SERPINB7: variants seen among roughly 807,000 people sequenced by gnomAD.
SERPINB7 encodes serpin B7.
A neutral mutation model predicts 37.4 loss-of-function variants in SERPINB7; 31 were observed. That is an observed-to-expected ratio of 0.83 (90% CI 0.62 to 1.12). SERPINB7 has a LOEUF of 1.12. SERPINB7 is among the 50% of genes most tolerant of loss of function. The pLI is 0.00. For synonymous variants in SERPINB7, 163 were observed against 166.1 expected, an observed-to-expected ratio of 0.98 and a Z score of 0.14; for missense variants, 521 against 455.3, an observed-to-expected ratio of 1.14 and a Z score of -1.31.
chr18:63,757,981 AT>A, intron 1 of SERPINB7, among the ~76,000 whole-genome samples: 1 of 152,244 alleles, frequency 6.6e-6, no homozygotes, highest in Non-Finnish European at 1.5e-5. Context: ...TTGTCCTTCC[AT>A]TTTAATAAGC....
chr18:63,791,469 G>T (rs1233506550), intron 2 of SERPINB7, among the ~76,000 whole-genome samples: 1 of 151,946 alleles, frequency 6.6e-6, no homozygotes, highest in African/African-American at 2.4e-5. Flanking sequence ...AAATCTGGTA[G>T]GTAAAACTTA....
intron 1 of SERPINB7, among the ~76,000 whole-genome samples, chr18:63,770,216 G>T (rs999171817): frequency 1.3e-5 from 2 of 150,872 alleles, no homozygotes; most frequent in African/African-American, 4.9e-5. Context: ...CCGGACCTCT[G>T]GTTAGAGAGA....
At position 63,783,283 on chromosome 18, in the gene SERPINB7, A is replaced by AAAGAAAGAAAGAAAGAAAGAAAGG. The variant is rs1555694241; in HGVS notation, c.168+757_168+758insGAAAGAAAGGAAGAAAGAAAGAAA. Among the ~76,000 whole-genome samples, 44 of 122,498 alleles carry AAAGAAAGAAAGAAAGAAAGAAAGG rather than the reference A, an allele frequency of 3.6e-4. 1 individual carries two copies. The highest frequency in any genetic ancestry group is 4.8e-3 in the Middle Eastern group (1 of 210). 80.4% of individuals were successfully genotyped at this position (122,498 alleles called of 152,430 possible). On this transcript the variant is annotated intron_variant, in intron 2 of 7. Coordinates refer to ENST00000398019, the MANE Select transcript of SERPINB7 (RefSeq NM_003784.4). ...GAAAGAAAGAAAGAAAGAAAGAAAG[A>AAAGAAAGAAAGAAAGAAAGAAAGG]AAGAAAGAAAGAAATGCAAATGCTT...
At chr18:63,782,154 C>T (rs568542547) in intron 1 of SERPINB7, among the ~76,000 whole-genome samples, 3 of 151,890 alleles carry the variant, frequency 2.0e-5, no homozygotes, top group East Asian at 1.9e-4. Context: ...TGTCCACCAA[C>T]GAGAAGAGAT....
At chr18:63,786,002 C>T (rs1173683494) in intron 2 of SERPINB7, among the ~76,000 whole-genome samples, 2 of 130,352 alleles carry the variant, frequency 1.5e-5, no homozygotes, top group Admixed American at 7.9e-5. Flanking sequence ...ATATAATATA[C>T]GTATATATAC....
At chr18:63,783,521 TAGC>T (rs1377132844) in intron 2 of SERPINB7, among the ~76,000 whole-genome samples, 2 of 152,282 alleles carry the variant, frequency 1.3e-5, no homozygotes, top group East Asian at 3.9e-4. Flanking sequence ...TTCCAGATAA[TAGC>T]AGCCTACCTG....
intron 2 of SERPINB7, among the ~76,000 whole-genome samples, chr18:63,788,373 A>G (rs1025103135): frequency 6.6e-6 from 1 of 152,248 alleles, no homozygotes; most frequent in Non-Finnish European, 1.5e-5. Flanking sequence ...AAAAAATTAA[A>G]TAAATACAGC....
intron 2 of SERPINB7, among the ~76,000 whole-genome samples, chr18:63,787,908 C>T (rs1425639079): frequency 6.6e-6 from 1 of 152,150 alleles, no homozygotes; most frequent in Admixed American, 6.5e-5. Context: ...TTACTATTGT[C>T]TAGTGATGTT....
At chr18:63,783,646 C>A (rs1007052455) in intron 2 of SERPINB7, among the ~76,000 whole-genome samples, 5 of 152,174 alleles carry the variant, frequency 3.3e-5, no homozygotes, top group Non-Finnish European at 1.5e-5. Context: ...GTGGAATGGT[C>A]GTTTCCCTCC....
chr18:63,779,080 C>T (rs1047361683), intron 1 of SERPINB7, among the ~76,000 whole-genome samples: 1 of 152,160 alleles, frequency 6.6e-6, no homozygotes, highest in Non-Finnish European at 1.5e-5. Context: ...GTCACACTGA[C>T]ATCTTCTTTA....
chr18:63,803,524 G>A (rs1193100422), intron 7 of SERPINB7, among the ~76,000 whole-genome samples: 2 of 152,170 alleles, frequency 1.3e-5, no homozygotes, highest in African/African-American at 4.8e-5. Flanking sequence ...TTCAAGAGCT[G>A]GTGAATTGGC....
chr18:63,756,129 A>G (rs567864655), intron 1 of SERPINB7, among the ~76,000 whole-genome samples: 2 of 151,854 alleles, frequency 1.3e-5, no homozygotes, highest in South Asian at 4.2e-4. Flanking sequence ...TCATATATGT[A>G]ATATATTTAG....
chr18:63,798,588 A>ATT lies in SERPINB7; in HGVS notation c.455-8_455-7dup, dbSNP rs113041735. ...TATTAAAATAAACATTTTTCCCTCA[A>ATT]TTTTTTTTTCAAAAGGCAAAATCAA... On this transcript the variant is annotated splice_polypyrimidine_tract_variant and intron_variant, in intron 5 of 7. Coordinates refer to ENST00000398019, the MANE Select transcript of SERPINB7 (RefSeq NM_003784.4). 1,077 of 1,479,040 alleles carry ATT rather than the reference A, an allele frequency of 7.3e-4. No homozygotes were observed. The highest frequency in any genetic ancestry group is 1.8e-3 in the South Asian group (129 of 72,876). 91.6% of individuals were successfully genotyped at this position (1,479,040 alleles called of 1,614,324 possible).
intron 6 of SERPINB7, among the ~76,000 whole-genome samples, chr18:63,800,059 A>AT (rs11347836): frequency 0.074 from 10,586 of 143,698 alleles, 732 homozygotes; most frequent in African/African-American, 0.18. Context: ...TAAATAGCGT[A>AT]TTTTTTTTTT....
chr18:63,772,034 G>A (rs965450936), upstream of SERPINB7, among the ~76,000 whole-genome samples: 6 of 151,970 alleles, frequency 3.9e-5, no homozygotes, highest in Middle Eastern at 6.8e-3. Flanking sequence ...CTGCATGTCG[G>A]CAGGGACGTT....
chr18:63,802,557 T>C (rs1264937679), intron 7 of SERPINB7, among the ~76,000 whole-genome samples: 2 of 152,218 alleles, frequency 1.3e-5, no homozygotes, highest in African/African-American at 4.8e-5. Flanking sequence ...GGTCAATTTT[T>C]CTGATAGATA....
chr18:63,804,495 G>A lies in SERPINB7; in HGVS notation c.1003G>A (p.Glu335Lys), dbSNP rs142198986. ...SYIEVTEEGT[E>K]ATAATGSNIV... ...CATAGAGGTCACTGAGGAGGGCACC[G>A]AGGCTACTGCTGCCACAGGAAGTAA... Residue 335 changes from glutamate (E) to lysine (K), a missense_variant, in exon 8 of 8, where the codon GAG (glutamate) becomes AAG (lysine). Physicochemically the swap from Glu to Lys is moderately conservative, Grantham distance 56. Coordinates refer to ENST00000398019, the MANE Select transcript of SERPINB7 (RefSeq NM_003784.4). The A allele has an allele frequency of 1.5e-5, 24 of 1,613,606 alleles. No individual in the cohort carries two copies. Among genetic ancestry groups the A allele is most frequent in the African/African-American group, 9.3e-5 (7 of 74,892 alleles).
upstream of SERPINB7, among the ~76,000 whole-genome samples, chr18:63,771,948 T>C (rs1293908017): frequency 2.0e-5 from 3 of 151,868 alleles, no homozygotes; most frequent in African/African-American, 4.8e-5. Flanking sequence ...CTAGGATCTA[T>C]TTCAGCTGCT....
chr18:63,767,038 G>T (rs1164750923), intron 1 of SERPINB7, among the ~76,000 whole-genome samples: 1 of 152,060 alleles, frequency 6.6e-6, no homozygotes, highest in Non-Finnish European at 1.5e-5. Context: ...TCACAGCATG[G>T]TTAGCCTTCT....
Sources: allele counts gnomAD v4.1 joint callset (sites outside exome capture counted in the v4.1 genomes callset), GRCh38; gene constraint gnomAD v4.1.1; transcripts MANE v1.5; gene names NCBI Gene and HGNC (gene_info 2026-07-23, HGNC 2026-07-21).